The following CUX2 variants were observed in gnomAD, a reference collection of about 807,000 sequenced individuals.
The protein encoded by CUX2 is homeobox protein cut-like 2.
A neutral mutation model predicts 144.8 loss-of-function variants in CUX2; 40 were observed. The ratio of observed to expected loss-of-function variants is 0.28; its 90% CI spans 0.21 to 0.36. The LOEUF is 0.36. Among genes scored for constraint, CUX2 ranks in the 10% least tolerant of loss-of-function variants. The pLI, the probability that CUX2 is intolerant of heterozygous loss-of-function variation, is 1.00. For synonymous variants in CUX2, 827 were observed against 875.6 expected, an observed-to-expected ratio of 0.94 and a Z score of 0.98; for missense variants, 1,615 against 1,994.0, an observed-to-expected ratio of 0.81 and a Z score of 3.62.
At chr12:111,275,361 G>A (rs1884820795) in intron 4 of CUX2, among the ~76,000 whole-genome samples, 1 of 152,178 alleles carries the variant, frequency 6.6e-6, no homozygotes, top group Admixed American at 6.5e-5. Context: ...TGGATCTGAG[G>A]CTGTTTGATC....
intron 20 of CUX2, among the ~76,000 whole-genome samples, chr12:111,338,815 C>G (rs994706123): frequency 6.6e-6 from 1 of 151,870 alleles, no homozygotes; most frequent in Non-Finnish European, 1.5e-5. Context: ...GAGGATCGTT[C>G]AAGGCTGCAA....
intron 19 of CUX2, among the ~76,000 whole-genome samples, chr12:111,337,160 G>A: frequency 6.6e-6 from 1 of 151,918 alleles, no homozygotes; most frequent in Non-Finnish European, 1.5e-5. Flanking sequence ...GGGTGATAGA[G>A]CCAAACTTTG....
chr12:111,271,543 A>G (rs2136301615), intron 4 of CUX2, among the ~76,000 whole-genome samples: 1 of 152,240 alleles, frequency 6.6e-6, no homozygotes, highest in East Asian at 1.9e-4. Flanking sequence ...TGGACAGTTA[A>G]GGTGCTTGGG....
intron 4 of CUX2, among the ~76,000 whole-genome samples, chr12:111,276,560 C>T (rs1386701349): frequency 6.6e-6 from 1 of 152,156 alleles, no homozygotes; most frequent in Admixed American, 6.5e-5. Flanking sequence ...TGGGTTCCCT[C>T]GGCTAGGCCT....
intron 16 of CUX2, among the ~76,000 whole-genome samples, chr12:111,319,676 G>A (rs1055750958): frequency 6.6e-6 from 1 of 152,240 alleles, no homozygotes; most frequent in African/African-American, 2.4e-5. Flanking sequence ...AGGTTGCAGT[G>A]AGCTGAGATC....
rs1223984441 is a variant in CUX2, at chr12:111,293,587, G to T, written c.560+18G>T. ...AAACAAAAGTGAGGAAGGGAAGGTG[G>T]GTGGGAGGGAGGAAGGAATGGGCAG... On this transcript the variant is annotated intron_variant, in intron 6 of 21. Coordinates refer to ENST00000261726, the MANE Select transcript of CUX2 (RefSeq NM_015267.4). This position sits in a 1 kb window ranked among gnomAD's most constrained non-coding sequence, Gnocchi z 4.5. The T allele has an allele frequency of 6.4e-7, 1 of 1,561,940 alleles. No individual in the cohort carries two copies. The highest frequency in any genetic ancestry group is 1.9e-5 in the Admixed American group (1 of 51,308).
chr12:111,065,257 T>C (rs527432756), intron 1 of CUX2, among the ~76,000 whole-genome samples: 13 of 152,358 alleles, frequency 8.5e-5, no homozygotes, highest in African/African-American at 3.1e-4. Flanking sequence ...AAACAAGAAA[T>C]AAACTAATGA....
chr12:111,260,579 C>T (rs180990561), intron 3 of CUX2, among the ~76,000 whole-genome samples: 3 of 152,264 alleles, frequency 2.0e-5, no homozygotes. Context: ...ATTTCAAGTG[C>T]TCAGTAGCAC....
chr12:111,048,576 G>T (rs1264326122), intron 1 of CUX2, among the ~76,000 whole-genome samples: 1 of 152,164 alleles, frequency 6.6e-6, no homozygotes, highest in Non-Finnish European at 1.5e-5. Context: ...CATAGAGCTG[G>T]TGCAAGGAGG....
At chr12:111,253,549 G>T (rs74401938) in intron 3 of CUX2, among the ~76,000 whole-genome samples, 18 of 152,196 alleles carry the variant, frequency 1.2e-4, no homozygotes, top group Non-Finnish European at 2.4e-4. Context: ...TGCACTTGAC[G>T]ACTGTCCCAC....
chr12:111,068,811 G>A lies in CUX2; in HGVS notation c.63+34571G>A, dbSNP rs1041481468. ...CAGGAGGGGAAAATCTCATGGTTAA[G>A]AATGTGGCCCTGGGCAGGGTTTGGT... On this transcript the variant is annotated intron_variant, in intron 1 of 21. Transcript: ENST00000261726. The surrounding 1 kb of genome is among the most constrained non-coding windows in gnomAD (Gnocchi z 4.9). 6.6e-6 allele frequency among the ~76,000 whole-genome samples: 1 copy of A among 152,212 alleles called. No homozygotes were observed. Among genetic ancestry groups the A allele is most frequent in the Non-Finnish European group, 1.5e-5 (1 of 68,024 alleles).
intron 3 of CUX2, among the ~76,000 whole-genome samples, chr12:111,257,458 TC>T (rs1410652946): frequency 3.5e-4 from 6 of 17,222 alleles, no homozygotes; most frequent in African/African-American, 6.3e-4. Context: ...CACTTCTTCC[TC>T]CCCCTCCCAC....
intron 7 of CUX2, among the ~76,000 whole-genome samples, chr12:111,296,119 T>A (rs564580217): frequency 6.6e-6 from 1 of 152,138 alleles, no homozygotes; most frequent in Non-Finnish European, 1.5e-5. Flanking sequence ...GGTCCTGAAA[T>A]GACTTAAGGG....
chr12:111,257,117 C>T (rs1388774086), intron 3 of CUX2, among the ~76,000 whole-genome samples: 1 of 152,120 alleles, frequency 6.6e-6, no homozygotes, highest in African/African-American at 2.4e-5. Flanking sequence ...GCGTAAATGC[C>T]ATGTGCTTCC....
At chr12:111,229,791 C>T (rs1882369871) in intron 3 of CUX2, among the ~76,000 whole-genome samples, 1 of 152,006 alleles carries the variant, frequency 6.6e-6, no homozygotes, top group Non-Finnish European at 1.5e-5. Flanking sequence ...GAGGCCAAGG[C>T]AGGCCAATTG....
intron 1 of CUX2, among the ~76,000 whole-genome samples, chr12:111,106,504 C>T (rs1873615679): frequency 6.6e-6 from 1 of 152,214 alleles, no homozygotes; most frequent in Non-Finnish European, 1.5e-5. Flanking sequence ...TGCTATGTTG[C>T]CCAGGCTGGT....
At chr12:111,324,867 C>T (rs999615781) in intron 18 of CUX2, among the ~76,000 whole-genome samples, 3 of 151,960 alleles carry the variant, frequency 2.0e-5, no homozygotes, top group South Asian at 2.1e-4. Flanking sequence ...GCATCGATTA[C>T]GGTGATGGGT....
chr12:111,198,819 G>A (rs137973151), intron 1 of CUX2, among the ~76,000 whole-genome samples: 6 of 152,318 alleles, frequency 3.9e-5, no homozygotes, highest in African/African-American at 9.6e-5. Flanking sequence ...CTGGCTCATC[G>A]GAGGCCCAGG....
At chr12:111,213,734 C>T (rs1565852524) in intron 1 of CUX2, among the ~76,000 whole-genome samples, 1 of 152,142 alleles carries the variant, frequency 6.6e-6, no homozygotes, top group Admixed American at 6.5e-5. Flanking sequence ...TAGTTGGAGC[C>T]GTTCCCACCT....
Sources: gnomAD v4.1 joint callset for allele counts (sites outside exome capture counted in the v4.1 genomes callset) on GRCh38, gnomAD v4.1.1 for gene constraint, Gnocchi (gnomAD v3.1) non-coding constraint, MANE v1.5 for transcripts, NCBI Gene and HGNC (gene_info 2026-07-23, HGNC 2026-07-21) for gene names.